The following SEC24B variants were observed in gnomAD, a reference collection of about 807,000 sequenced individuals.
The protein encoded by SEC24B is SEC24 homolog B, COPII component.
In SEC24B, 45 loss-of-function variants were observed where a neutral mutation model predicts 142.8. The observed-to-expected ratio is 0.32, with a 90% CI of 0.25 to 0.40. The LOEUF (loss-of-function observed/expected upper bound fraction) is 0.40. Among genes scored for constraint, SEC24B ranks in the 10% least tolerant of loss-of-function variants. The probability of loss-of-function intolerance (pLI) is 1.00; values close to 1 mark genes in which losing one functional copy is unlikely to be tolerated. For missense variants in SEC24B, 1,409 were observed against 1,526.8 expected (o/e 0.92, Z 1.29); for synonymous variants, 574 against 568.2 (o/e 1.01, Z -0.15).
At chr4:109,490,967 T>C (rs1348701979) in intron 4 of SEC24B, among the ~76,000 whole-genome samples, 1 of 152,112 alleles carries the variant, frequency 6.6e-6, no homozygotes, top group Non-Finnish European at 1.5e-5. Context: ...TATTTAGTAG[T>C]ATATTTGGTA....
chr4:109,533,748 T>G (rs1725186504), intron 22 of SEC24B, 63 bp downstream of exon 22: 1 of 966,112 alleles, frequency 1.0e-6, no homozygotes. Context: ...GATGTAAAAT[T>G]CATGTAATAT....
At chr4:109,510,921 G>T (rs986396396) in intron 8 of SEC24B, among the ~76,000 whole-genome samples, 2 of 151,920 alleles carry the variant, frequency 1.3e-5, no homozygotes, top group Non-Finnish European at 2.9e-5. Context: ...AGATACAAAG[G>T]GTAAATTAAA....
chr4:109,463,350 A>G lies in SEC24B; in HGVS notation c.583A>G (p.Ser195Gly). 5 of 1,614,128 alleles carry G rather than the reference A, an allele frequency of 3.1e-6. No individual in the cohort carries two copies. In the African/African-American group the frequency reaches 4.0e-5, roughly 13 times the overall value. ...AACTGTTTCTAATGCCGCGTATCCT[A>G]GTGTTTCATATCCCTCTCTGCCTGC... Reference protein sequence around the residue: ...MSTVSNAAYPSVSYPSLPAGD... With the variant: ...MSTVSNAAYPGVSYPSLPAGD... Residue 195 changes from serine to glycine, a missense_variant, in exon 2 of 24, where the codon AGT becomes GGT. This residue lies in a region of SEC24B where 709 missense variants were observed against 673.5 expected (regional missense o/e 1.05). Transcript: ENST00000265175.
intron 22 of SEC24B, among the ~76,000 whole-genome samples, chr4:109,536,756 C>T (rs893188796): frequency 4.0e-5 from 6 of 151,838 alleles, no homozygotes; most frequent in Non-Finnish European, 7.4e-5. Context: ...GTCTCGATCT[C>T]CTGACTTTGT....
intron 19 of SEC24B, among the ~76,000 whole-genome samples, chr4:109,530,918 A>G (rs972262115): frequency 1.3e-5 from 2 of 151,240 alleles, no homozygotes; most frequent in African/African-American, 4.9e-5. Context: ...AAAAAAAAAA[A>G]AAGAAAAGAT....
chr4:109,510,044 C>T lies in SEC24B; in HGVS notation c.1709C>T (p.Thr570Ile), dbSNP rs756100869. The change falls in exon 8 of 24, where the codon ACA becomes ATA. Residue 570 changes from threonine to isoleucine, a missense_variant. Physicochemically the swap from Thr to Ile is moderately conservative, Grantham distance 89. Transcript: ENST00000265175. ...TGTACTTTGACAAATATTCCACAGACACAGGCTTTACTGAATAAAGCTAAG... is the reference window on the plus strand; with the variant it reads ...TGTACTTTGACAAATATTCCACAGATACAGGCTTTACTGAATAAAGCTAAG... ...FRCTLTNIPQ[T>I]QALLNKAKLP... is the part of the protein sequence containing the mutation. The T allele has an allele frequency of 1.9e-6, 3 of 1,610,176 alleles. No homozygotes were observed. The highest frequency in any genetic ancestry group is 1.1e-5 in the South Asian group (1 of 90,018).
In SEC24B at chr4:109,433,830, A is replaced by G. The variant is rs1561046677; in HGVS notation, c.-40A>G. The G allele has an allele frequency of 3.2e-6, 4 of 1,242,424 alleles. No individual in the cohort carries two copies. Among genetic ancestry groups the G allele is most frequent in the Non-Finnish European group, 4.0e-6 (4 of 991,418 alleles). The allele number at this position is 1,242,424 out of a possible 1,614,324, so 77.0% of individuals were successfully genotyped here. ...GCCCCGCCTTCCCTTCCCTCCGCCC[A>G]CCTCCCTGAAGCGGAGCCGCCGTCG... On this transcript the variant is annotated 5_prime_UTR_variant, in exon 1 of 24. Transcript: ENST00000265175.
chr4:109,469,290 C>T (rs1451747931), intron 2 of SEC24B, among the ~76,000 whole-genome samples: 1 of 152,050 alleles, frequency 6.6e-6, no homozygotes, highest in African/African-American at 2.4e-5. Context: ...ATTGGTGTGC[C>T]TCCCTGGTCC....
intron 13 of SEC24B, 74 bp from the exon 14 acceptor site, chr4:109,521,346 A>G: frequency 8.5e-6 from 11 of 1,294,546 alleles, no homozygotes; most frequent in Non-Finnish European, 1.2e-5. Context: ...CACATGATAC[A>G]CTATGGAATG....
Position 109,539,724 on chromosome 4 carries a change from T to A in SEC24B, c.*49T>A. ...AAAGATCTATAACCTAGGTAAAGCA[T>A]AATCTGTCAGAGAAGCGCGTGAGAA... On this transcript the variant is annotated 3_prime_UTR_variant, in exon 24 of 24. Transcript: ENST00000265175. 2 of 1,260,438 alleles carry A rather than the reference T, an allele frequency of 1.6e-6. No individual in the cohort carries two copies. Among genetic ancestry groups the A allele is most frequent in the South Asian group, 2.5e-5 (2 of 80,812 alleles). 78.1% of individuals were successfully genotyped at this position (1,260,438 alleles called of 1,614,324 possible).
chr4:109,436,516 C>T (rs566029535), intron 1 of SEC24B, among the ~76,000 whole-genome samples: 1 of 152,188 alleles, frequency 6.6e-6, no homozygotes, highest in East Asian at 1.9e-4. Flanking sequence ...ATATGAAATA[C>T]GTTTGGCCTT....
intron 17 of SEC24B, 77 bp from the exon 18 acceptor site, chr4:109,527,245 G>T: frequency 1.0e-5 from 10 of 970,916 alleles, no homozygotes; most frequent in Non-Finnish European, 1.6e-5. Flanking sequence ...AAGAAAGAAA[G>T]AAAAAAAGTA....
intron 1 of SEC24B, among the ~76,000 whole-genome samples, chr4:109,453,452 CCCCCCCCG>C (rs1289378609): frequency 1.7e-5 from 2 of 121,190 alleles, no homozygotes; most frequent in African/African-American, 5.8e-5. Context: ...CCCCCCCCCC[CCCCCCCCG>C]AATGGCTGTT....
At chr4:109,437,090 G>A (rs1172384444) in intron 1 of SEC24B, among the ~76,000 whole-genome samples, 1 of 152,172 alleles carries the variant, frequency 6.6e-6, no homozygotes, top group Non-Finnish European at 1.5e-5. Flanking sequence ...CATCTGAAGT[G>A]GGGAGCCATC....
intron 16 of SEC24B, 56 bp downstream of exon 16, chr4:109,525,560 G>A: frequency 2.4e-6 from 3 of 1,250,864 alleles, no homozygotes; most frequent in South Asian, 1.6e-5. Flanking sequence ...AAGTCAGTGA[G>A]CATTCCATGT....
chr4:109,441,241 C>T (rs1444724600), intron 1 of SEC24B, among the ~76,000 whole-genome samples: 2 of 152,148 alleles, frequency 1.3e-5, no homozygotes, highest in Non-Finnish European at 2.9e-5. Context: ...TTGGAACCAG[C>T]AATGCCTGGC....
At position 109,520,392 on chromosome 4, in the gene SEC24B, T is replaced by C. The variant is rs780432747; in HGVS notation, c.2153T>C (p.Ile718Thr). 7.5e-6 allele frequency: 12 copies of C among 1,610,146 alleles called. No individual in the cohort carries two copies. In the East Asian group the frequency reaches 2.5e-4, roughly 33 times the overall value. ...CTTCCTGGAGATTCACGAACAAGAA[T>C]AGGATTCATGACCTTTGATAGCACT... is the stretch of plus-strand genomic sequence containing the variant. Reference protein sequence around the residue: ...DKLPGDSRTRIGFMTFDSTIH... With the variant: ...DKLPGDSRTRTGFMTFDSTIH... Residue 718 changes from isoleucine to threonine, a missense_variant, in exon 12 of 24, where the codon ATA (isoleucine) becomes ACA (threonine). By Grantham distance (89) the Ile-to-Thr change is moderately conservative. Transcript: ENST00000265175.
intron 7 of SEC24B, among the ~76,000 whole-genome samples, chr4:109,507,474 A>G (rs1200640252): frequency 6.6e-6 from 1 of 152,048 alleles, no homozygotes; most frequent in South Asian, 2.1e-4. Flanking sequence ...GGGTTTCACC[A>G]TGTTGGGCAG....
intron 10 of SEC24B, among the ~76,000 whole-genome samples, 160 bp from the exon 11 acceptor site, chr4:109,516,362 AAAAATT>A (rs1258065074): frequency 6.6e-6 from 1 of 152,234 alleles, no homozygotes; most frequent in Non-Finnish European, 1.5e-5. Context: ...TAAAAAGAAA[AAAAATT>A]AAAAGCATAT....
Sources: gnomAD v4.1 joint callset for allele counts (sites outside exome capture counted in the v4.1 genomes callset) on GRCh38, gnomAD v4.1.1 for gene constraint, gnomAD v4.1.1 regional missense constraint, MANE v1.5 for transcripts, NCBI Gene and HGNC (gene_info 2026-07-23, HGNC 2026-07-21) for gene names.